The following CHD9 variants were observed in gnomAD, a reference collection of about 807,000 sequenced individuals.
CHD9 encodes ATP-dependent chromatin remodeler CHD9.
A neutral mutation model predicts 316.1 loss-of-function variants in CHD9; 77 were observed. That is an observed-to-expected ratio of 0.24 (90% CI 0.20 to 0.29). The LOEUF (loss-of-function observed/expected upper bound fraction) is 0.29. Ranked by LOEUF, CHD9 falls within the 10% of genes least tolerant of loss-of-function variation. The pLI is 1.00. For synonymous variants in CHD9, 1,129 were observed against 1,158.3 expected, an observed-to-expected ratio of 0.97 and a Z score of 0.51; for missense variants, 2,763 against 3,438.1, an observed-to-expected ratio of 0.80 and a Z score of 4.91.
At chr16:53,186,542 T>G (rs1379928931) in intron 2 of CHD9, among the ~76,000 whole-genome samples, 1 of 152,196 alleles carries the variant, frequency 6.6e-6, no homozygotes, top group Non-Finnish European at 1.5e-5. Flanking sequence ...TTCGAGGGAC[T>G]GTTGGAAAGA....
intron 2 of CHD9, among the ~76,000 whole-genome samples, chr16:53,195,341 C>G (rs1447854336): frequency 1.3e-5 from 2 of 152,156 alleles, no homozygotes; most frequent in East Asian, 3.8e-4. Context: ...TGGAATTGTT[C>G]AATCATTGGG....
In CHD9 at chr16:53,065,477, A is replaced by T. The variant is rs139265442; in HGVS notation, c.-165+10400A>T. 2.0e-3 allele frequency among the ~76,000 whole-genome samples: 311 copies of T among 151,978 alleles called. 1 individual carries two copies. The highest frequency in any genetic ancestry group is 7.1e-3 in the African/African-American group (293 of 41,440). On this transcript the variant is annotated intron_variant, in intron 1 of 38. Transcript: ENST00000447540. ...AGTGACACCCCATCTCTACAAAAAA[A>T]TTTAAAAATGAGCTGGATGTGTGGG...
chr16:53,107,352 C>T (rs1461368853), intron 1 of CHD9, among the ~76,000 whole-genome samples: 2 of 151,710 alleles, frequency 1.3e-5, no homozygotes, highest in African/African-American at 4.8e-5. Flanking sequence ...CCCAGCTACT[C>T]AGGAGGCTGA....
intron 1 of CHD9, among the ~76,000 whole-genome samples, chr16:53,127,916 C>G (rs1224133355): frequency 7.7e-6 from 1 of 130,070 alleles, no homozygotes; most frequent in Admixed American, 9.3e-5. Flanking sequence ...GCACTCCAGC[C>G]TGGCCGACAG....
rs190386746 is a variant in CHD9, at chr16:53,091,903, C to T, written c.-165+36826C>T. On this transcript the variant is annotated intron_variant, in intron 1 of 38. Transcript: ENST00000447540. Reference sequence around the variant, plus strand: ...CTTCTTGCTAAATGGAAAGAGCTTCCTCCTTTCCTTTTCTTGTAATATCCA... The same window carrying T: ...CTTCTTGCTAAATGGAAAGAGCTTCTTCCTTTCCTTTTCTTGTAATATCCA... Among the ~76,000 whole-genome samples the T allele has an allele frequency of 6.3e-3, 964 of 152,098 alleles. 14 individuals are homozygous for T. The highest frequency in any genetic ancestry group is 0.022 in the African/African-American group (909 of 41,488).
At chr16:53,224,562 C>CATTTACT (rs1450552507) in intron 4 of CHD9, among the ~76,000 whole-genome samples, 2 of 152,130 alleles carry the variant, frequency 1.3e-5, no homozygotes, top group African/African-American at 4.8e-5. Context: ...TGAGGTCACT[C>CATTTACT]ATTTACTATT....
chr16:53,138,123 G>T (rs1400102117), intron 1 of CHD9, among the ~76,000 whole-genome samples: 1 of 152,116 alleles, frequency 6.6e-6, no homozygotes, highest in African/African-American at 2.4e-5. Flanking sequence ...ACTGATAGGG[G>T]ATATACATCG....
In CHD9 at chr16:53,227,535, T is replaced by G; in HGVS notation, c.2113-13T>G. Reference sequence around the variant, plus strand: ...GTTTAAAAGAGTCACCATTACTGATTTTCTTTTCTTAGATATCACCTGGAG... The same window carrying G: ...GTTTAAAAGAGTCACCATTACTGATGTTCTTTTCTTAGATATCACCTGGAG... On this transcript the variant is annotated splice_polypyrimidine_tract_variant and intron_variant, in intron 6 of 38. Transcript: ENST00000447540. The G allele has an allele frequency of 6.8e-7, 1 of 1,474,582 alleles. No homozygotes were observed. The highest frequency in any genetic ancestry group is 9.1e-7 in the Non-Finnish European group (1 of 1,094,622). 91.3% of individuals were successfully genotyped at this position (1,474,582 alleles called of 1,614,324 possible).
At chr16:53,113,305 C>T (rs1256513453) in intron 1 of CHD9, among the ~76,000 whole-genome samples, 1 of 150,586 alleles carries the variant, frequency 6.6e-6, no homozygotes, top group Non-Finnish European at 1.5e-5. Context: ...GCCTGGACTA[C>T]AACTCAGATA....
chr16:53,303,178 A>G (rs189759059), intron 30 of CHD9, among the ~76,000 whole-genome samples: 234 of 144,016 alleles, frequency 1.6e-3, no homozygotes, highest in African/African-American at 6.0e-3. Context: ...TTAAAATATT[A>G]TGAGTTTTTT....
At chr16:53,257,294 A>AT (rs2050691929) in intron 19 of CHD9, among the ~76,000 whole-genome samples, 1 of 152,196 alleles carries the variant, frequency 6.6e-6, no homozygotes, top group East Asian at 1.9e-4. Flanking sequence ...GAAGGGCTTT[A>AT]TGTGCCATTT....
chr16:53,317,572 A>G (rs113276536), intron 36 of CHD9, among the ~76,000 whole-genome samples: 4,918 of 152,194 alleles, frequency 0.032, 97 homozygotes, highest in Middle Eastern at 0.071. Flanking sequence ...GGCTCACTGC[A>G]GCCTTAATCT....
intron 11 of CHD9, 43 bp downstream of exon 11, chr16:53,235,349 T>C: frequency 7.6e-7 from 1 of 1,309,428 alleles, no homozygotes. Context: ...TTTTTTAATG[T>C]GTGCCAAAAT....
At chr16:53,199,955 G>A (rs920827246) in intron 2 of CHD9, among the ~76,000 whole-genome samples, 3 of 152,150 alleles carry the variant, frequency 2.0e-5, no homozygotes, top group Non-Finnish European at 4.4e-5. Flanking sequence ...AAGTAATATC[G>A]GCTGGCACGG....
At chr16:53,210,644 A>G (rs1186513747) in intron 3 of CHD9, among the ~76,000 whole-genome samples, 2 of 152,094 alleles carry the variant, frequency 1.3e-5, no homozygotes, top group Non-Finnish European at 2.9e-5. Context: ...AATTTGACAT[A>G]AAGGGGTCAA....
intron 1 of CHD9, among the ~76,000 whole-genome samples, chr16:53,062,347 A>G (rs983518165): frequency 6.6e-6 from 1 of 152,216 alleles, no homozygotes; most frequent in Non-Finnish European, 1.5e-5. Context: ...CTTTTCATGT[A>G]TGGTAGTAAT....
chr16:53,260,348 A>G (rs1004744006), intron 19 of CHD9, among the ~76,000 whole-genome samples: 1 of 152,160 alleles, frequency 6.6e-6, no homozygotes. Flanking sequence ...GCAAGCTGGC[A>G]TATGCTTGTT....
At chr16:53,171,274 C>T (rs560275592) in intron 2 of CHD9, among the ~76,000 whole-genome samples, 1 of 152,012 alleles carries the variant, frequency 6.6e-6, no homozygotes, top group East Asian at 1.9e-4. Context: ...AAAAAATTAG[C>T]CAGGCATGGT....
chr16:53,173,707 C>G (rs532898084), intron 2 of CHD9, among the ~76,000 whole-genome samples: 2 of 151,918 alleles, frequency 1.3e-5, no homozygotes, highest in African/African-American at 4.8e-5. Context: ...ACCATGCCCA[C>G]CTAATTTTTT....
Sources: allele counts gnomAD v4.1 joint callset (sites outside exome capture counted in the v4.1 genomes callset), GRCh38; gene constraint gnomAD v4.1.1; transcripts MANE v1.5; gene names NCBI Gene and HGNC (gene_info 2026-07-23, HGNC 2026-07-21).